Variants in JAKMIP3 observed in about 807,000 individuals in gnomAD.
JAKMIP3 encodes the protein janus kinase and microtubule-interacting protein 3.
JAKMIP3 carries 58 observed loss-of-function variants against 118.5 expected under a neutral mutation model. That is an observed-to-expected ratio of 0.49 (90% CI 0.40 to 0.61). The LOEUF is 0.61. Among genes scored for constraint, JAKMIP3 ranks in the 20% least tolerant of loss-of-function variants. The pLI, the probability that JAKMIP3 is intolerant of heterozygous loss-of-function variation, is 0.00. For missense variants in JAKMIP3, 950 were observed against 1,109.0 expected, an observed-to-expected ratio of 0.86 and a Z score of 2.04; for synonymous variants, 486 against 451.2, an observed-to-expected ratio of 1.08 and a Z score of -0.98.
chr10:132,078,985 C>T (rs1157858591), intron 1 of JAKMIP3, among the ~76,000 whole-genome samples: 1 of 152,236 alleles, frequency 6.6e-6, no homozygotes, highest in Non-Finnish European at 1.5e-5. Flanking sequence ...GTGGGTGGCC[C>T]TGAAGGCTCA....
chr10:132,084,078 G>C (rs1266696272), intron 1 of JAKMIP3, among the ~76,000 whole-genome samples: 1 of 152,004 alleles, frequency 6.6e-6, no homozygotes, highest in Admixed American at 6.6e-5. Flanking sequence ...GAAGAATGAT[G>C]GTGGTATTTT....
At chr10:132,169,614 T>G (rs2059278370) in intron 23 of JAKMIP3, among the ~76,000 whole-genome samples, 1 of 152,114 alleles carries the variant, frequency 6.6e-6, no homozygotes, top group Non-Finnish European at 1.5e-5. Context: ...GAGCCGGTTC[T>G]TGGGGAGGCA....
At chr10:132,134,177 G>A (rs1032073867) in intron 4 of JAKMIP3, among the ~76,000 whole-genome samples, 10 of 152,248 alleles carry the variant, frequency 6.6e-5, no homozygotes, top group South Asian at 6.2e-4. Flanking sequence ...TGAAGTCCAG[G>A]GACCCTCCAG....
chr10:132,180,730 C>CGCGT lies in JAKMIP3; in HGVS notation c.*1104-1626_*1104-1625insCGTG, dbSNP rs1554963341. Reference sequence around the variant, plus strand: ...GTGCGCGTGTGTGTGCGTGTGTGTGCGTGTGTGCGTGCGTGCGCGCGCGTG... The same window carrying CGCGT: ...GTGCGCGTGTGTGTGCGTGTGTGTGCGCGTGTGTGTGCGTGCGTGCGCGCGCGTG... On this transcript the variant is annotated intron_variant, in intron 23 of 23. Coordinates refer to ENST00000684848, the MANE Select transcript of JAKMIP3 (RefSeq NM_001323087.2). Among the ~76,000 whole-genome samples, 8 of 8,674 alleles carry CGCGT rather than the reference C, an allele frequency of 9.2e-4. 1 individual carries two copies. Among genetic ancestry groups the CGCGT allele is most frequent in the African/African-American group, 4.5e-3 (7 of 1,550 alleles). The allele number at this position is 8,674 out of a possible 152,430, so 5.7% of individuals were successfully genotyped here. A position where few individuals can be genotyped will look rare whatever the true frequency, so the allele number is the denominator to read the frequency against.
At chr10:132,139,493 TGTGA>T (rs1326478792) in intron 9 of JAKMIP3, among the ~76,000 whole-genome samples, 3 of 137,370 alleles carry the variant, frequency 2.2e-5, no homozygotes, top group South Asian at 2.2e-4. Flanking sequence ...TGTGAGAGTA[TGTGA>T]GTGTGTATGT....
intron 1 of JAKMIP3, among the ~76,000 whole-genome samples, chr10:132,068,547 G>T (rs1161381579): frequency 6.6e-6 from 1 of 152,160 alleles, no homozygotes; most frequent in Non-Finnish European, 1.5e-5. Context: ...TAGCCCTGTT[G>T]GTCTGGCACC....
intron 3 of JAKMIP3, among the ~76,000 whole-genome samples, chr10:132,128,819 T>C (rs1262511805): frequency 6.6e-6 from 1 of 152,256 alleles, no homozygotes; most frequent in African/African-American, 2.4e-5. Context: ...TATAAAGTTT[T>C]AATTACATTA....
At chr10:132,103,491 G>T (rs1200465801) in intron 1 of JAKMIP3, among the ~76,000 whole-genome samples, 1 of 133,046 alleles carries the variant, frequency 7.5e-6, no homozygotes, top group Non-Finnish European at 1.6e-5. Context: ...AAGAGCACCT[G>T]GGGGAGAGGA....
chr10:132,170,072 G>A (rs867771508), intron 23 of JAKMIP3: 91 of 152,384 alleles, frequency 6.0e-4, no homozygotes, highest in African/African-American at 2.0e-3. Flanking sequence ...TAGAAGGAGC[G>A]GGAGACCAGC....
intron 3 of JAKMIP3, among the ~76,000 whole-genome samples, chr10:132,124,776 G>A (rs1046356186): frequency 4.6e-5 from 7 of 152,250 alleles, no homozygotes; most frequent in Non-Finnish European, 1.0e-4. Flanking sequence ...GAGGGGAATC[G>A]CAGTGTGGTA....
chr10:132,150,380 T>C (rs2055864886), intron 16 of JAKMIP3, among the ~76,000 whole-genome samples: 1 of 152,192 alleles, frequency 6.6e-6, no homozygotes, highest in Non-Finnish European at 1.5e-5. Context: ...TTCCACTTCC[T>C]TGGCTTGGGG....
At chr10:132,059,066 G>A (rs952061346) in intron 1 of JAKMIP3, among the ~76,000 whole-genome samples, 1 of 152,244 alleles carries the variant, frequency 6.6e-6, no homozygotes, top group African/African-American at 2.4e-5. Context: ...ACTCTGAACA[G>A]CTGTTCGCGC....
upstream of JAKMIP3, among the ~76,000 whole-genome samples, chr10:132,060,575 T>C (rs1044737477): frequency 6.6e-6 from 1 of 152,232 alleles, no homozygotes; most frequent in Non-Finnish European, 1.5e-5. Flanking sequence ...GGGTGCAGGC[T>C]ATCTCGCATG....
intron 23 of JAKMIP3, among the ~76,000 whole-genome samples, chr10:132,180,594 T>TGCGC (rs1326512996): frequency 8.1e-5 from 2 of 24,604 alleles, no homozygotes; most frequent in South Asian, 1.7e-3. Flanking sequence ...CGCGTGTGTG[T>TGCGC]GTGCGTGCGC....
At chr10:132,037,830 G>A (rs896385062) in intron 1 of JAKMIP3, among the ~76,000 whole-genome samples, 3 of 152,044 alleles carry the variant, frequency 2.0e-5, no homozygotes, top group Admixed American at 2.0e-4. Flanking sequence ...GGGCCGCAGC[G>A]CAGGCTTCCC....
At chr10:132,170,963 A>C (rs1729401640) in intron 23 of JAKMIP3, among the ~76,000 whole-genome samples, 1 of 152,244 alleles carries the variant, frequency 6.6e-6, no homozygotes, top group Admixed American at 6.5e-5. Context: ...CAGAGCTGTC[A>C]GCCCCAGATG....
intron 1 of JAKMIP3, among the ~76,000 whole-genome samples, chr10:132,101,999 TG>T (rs2045019435): frequency 1.0e-5 from 1 of 100,028 alleles, no homozygotes; most frequent in South Asian, 2.6e-4. Context: ...CTCATGTGGT[TG>T]GGACCAGGAG....
At position 132,168,810 on chromosome 10, in the gene JAKMIP3, C is replaced by T. The variant is rs1361111791; in HGVS notation, c.*880C>T. Reference sequence around the variant, plus strand: ...CTCCATAGTGAATCTCCAGAAGTCACAGAGGCCCTGGGCACCCAGAGCCAC... The same window carrying T: ...CTCCATAGTGAATCTCCAGAAGTCATAGAGGCCCTGGGCACCCAGAGCCAC... On this transcript the variant is annotated 3_prime_UTR_variant, in exon 23 of 24. Transcript: ENST00000684848. 1.3e-5 allele frequency: 3 copies of T among 223,318 alleles called. No individual in the cohort carries two copies. Among genetic ancestry groups the T allele is most frequent in the Non-Finnish European group, 2.7e-5 (3 of 111,656 alleles). The allele number at this position is 223,318 out of a possible 1,614,324, so 13.8% of individuals were successfully genotyped here.
intron 19 of JAKMIP3, among the ~76,000 whole-genome samples, chr10:132,161,893 G>T (rs2058386434): frequency 6.8e-6 from 1 of 146,440 alleles, no homozygotes; most frequent in Admixed American, 6.8e-5. Flanking sequence ...GTGATATTGG[G>T]GGGGCCACTT....
Sources: gnomAD v4.1 joint callset for allele counts (sites outside exome capture counted in the v4.1 genomes callset) on GRCh38, gnomAD v4.1.1 for gene constraint, MANE v1.5 for transcripts, NCBI Gene and HGNC (gene_info 2026-07-23, HGNC 2026-07-21) for gene names.